DNMT1: variants seen among roughly 807,000 people sequenced by gnomAD.
DNMT1 encodes the protein DNA methyltransferase 1, also known as DNA (cytosine-5)-methyltransferase 1.
In DNMT1, 24 loss-of-function variants were observed where a neutral mutation model predicts 205.3. The observed-to-expected ratio is 0.12, with a 90% CI of 0.08 to 0.16. DNMT1 has a LOEUF of 0.16. DNMT1 is among the 10% of genes least tolerant of loss of function. The pLI, the probability that DNMT1 is intolerant of heterozygous loss-of-function variation, is 1.00. For synonymous variants in DNMT1, 817 were observed against 839.8 expected, an observed-to-expected ratio of 0.97 and a Z score of 0.47; for missense variants, 1,293 against 2,177.7, an observed-to-expected ratio of 0.59 and a Z score of 8.09.
intron 8 of DNMT1, 110 bp from the exon 9 acceptor site, chr19:10,173,284 G>A: frequency 9.5e-7 from 1 of 1,055,720 alleles, no homozygotes; most frequent in South Asian, 1.3e-5. Flanking sequence ...ATTATCTCAG[G>A]AGCCCTGACA....
At chr19:10,162,141 A>ACT (rs1243806175) in intron 13 of DNMT1, among the ~76,000 whole-genome samples, 11 of 135,248 alleles carry the variant, frequency 8.1e-5, no homozygotes, top group Non-Finnish European at 1.4e-4. Context: ...TGTGCCCAGC[A>ACT]TTTTTTTTTT....
Position 10,137,916 on chromosome 19 carries a change from G to A in DNMT1, c.4209C>T (p.Ser1403=), listed in dbSNP as rs1599342899. 2 of 1,613,116 alleles carry A rather than the reference G, an allele frequency of 1.2e-6. No individual in the cohort carries two copies. The highest frequency in any genetic ancestry group is 1.7e-5 in the Admixed American group (1 of 59,932). The stretch of plus-strand genomic sequence containing the variant: ...ACCAGGACTGAGGCTCCCCGTTGTA[G>A]GAGATCTCCAGTGCCGAGGCTCCAT... ...VRNGASALEI[S]YNGEPQSWFQ... The change falls in exon 36 of 41, where the codon TCC becomes TCT. Residue 1403 remains serine (S), a synonymous_variant. Transcript: ENST00000359526. The surrounding 1 kb of genome is among the most constrained non-coding windows in gnomAD (Gnocchi z 6.4).
At chr19:10,139,184 C>CT (rs2089553470) in intron 34 of DNMT1, among the ~76,000 whole-genome samples, 1 of 152,236 alleles carries the variant, frequency 6.6e-6, no homozygotes, top group African/African-American at 2.4e-5. Context: ...ATGTCCATCC[C>CT]TGTCCCTGCA....
chr19:10,180,513 G>A lies in DNMT1; in HGVS notation c.282C>T (p.Asn94=), dbSNP rs757233762. ...SLLNKDLSLE[N]GAHAYNREVN... is the part of the protein sequence containing the mutation. ...CTTCCCGGTTGTAAGCATGAGCACC[G>A]TTCTCCAAGGACAAATCTTTATTTA... The change falls in exon 4 of 41, where the codon AAC becomes AAT. Residue 94 remains asparagine, a synonymous_variant. Coordinates refer to ENST00000359526, the MANE Select transcript of DNMT1 (RefSeq NM_001130823.3). 13 of 1,613,954 alleles carry A rather than the reference G, an allele frequency of 8.1e-6. No individual in the cohort carries two copies. The highest frequency in any genetic ancestry group is 3.3e-5 in the Admixed American group (2 of 59,962).
At chr19:10,178,474 T>C (rs1159588632) in intron 5 of DNMT1, among the ~76,000 whole-genome samples, 1 of 151,268 alleles carries the variant, frequency 6.6e-6, no homozygotes, top group Admixed American at 6.6e-5. Flanking sequence ...GAAAATAAAA[T>C]AAGGCTGGGC....
chr19:10,185,945 C>G (rs1235983471), intron 1 of DNMT1, among the ~76,000 whole-genome samples: 1 of 151,980 alleles, frequency 6.6e-6, no homozygotes, highest in Non-Finnish European at 1.5e-5. Flanking sequence ...AACTGGGGTC[C>G]AAGGAGAGCC....
chr19:10,151,319 T>G lies in DNMT1; in HGVS notation c.2265+79A>C. 1.3e-6 allele frequency: 2 copies of G among 1,592,360 alleles called. No homozygotes were observed. The highest frequency in any genetic ancestry group is 1.7e-6 in the Non-Finnish European group (2 of 1,174,082). The stretch of plus-strand genomic sequence containing the variant: ...GCCGGGGCTCAGGCTGCCTGAGAGG[T>G]CAGGTTGGCGAGATACTAGAGGGCA... On this transcript the variant is annotated intron_variant, in intron 24 of 40. Coordinates refer to ENST00000359526, the MANE Select transcript of DNMT1 (RefSeq NM_001130823.3). The surrounding 1 kb of genome is among the most constrained non-coding windows in gnomAD (Gnocchi z 5.0).
In DNMT1 at chr19:10,149,626, C is replaced by A; in HGVS notation, c.2413G>T (p.Gly805Trp). The A allele has an allele frequency of 6.2e-7, 1 of 1,613,952 alleles. No homozygotes were observed. The highest frequency in any genetic ancestry group is 8.5e-7 in the Non-Finnish European group (1 of 1,180,044). Residue 805 changes from glycine (G) to tryptophan (W), a missense_variant, in exon 26 of 41, where the codon GGG becomes TGG. By Grantham distance (184) the Gly-to-Trp change is radical. Around this residue, in one of 13 missense-constraint regions of DNMT1, gnomAD observed 197 missense variants for 353.6 expected, o/e 0.56. Transcript: ENST00000359526. The part of the protein sequence containing the change: ...VTALWEDSSN[G>W]QMFHAHWFCA... ...AACCAGTGGGCGTGAAACATCTGCCCGTTGCTGCTGTCCTCCCACAGCGCC... is the reference window on the plus strand; with the variant it reads ...AACCAGTGGGCGTGAAACATCTGCCAGTTGCTGCTGTCCTCCCACAGCGCC...
chr19:10,148,495 CAA>C (rs1222064600), intron 27 of DNMT1, among the ~76,000 whole-genome samples: 3 of 58,550 alleles, frequency 5.1e-5, no homozygotes, highest in Non-Finnish European at 6.8e-5. Context: ...GACTCCGTCT[CAA>C]AAAAAAAAAA....
Position 10,140,020 on chromosome 19 carries a change from A to G in DNMT1, c.3806+26T>C. The G allele has an allele frequency of 1.2e-6, 2 of 1,604,606 alleles. No individual in the cohort carries two copies. Among genetic ancestry groups the G allele is most frequent in the Non-Finnish European group, 1.7e-6 (2 of 1,179,982 alleles). On this transcript the variant is annotated intron_variant, in intron 33 of 40. Transcript: ENST00000359526. This position sits in a 1 kb window ranked among gnomAD's most constrained non-coding sequence, Gnocchi z 8.4. ...CGGCACAGCCCCGGGCCGTCTGGCA[A>G]CACTGGGGGGCTTCTACCCGTTTAC...
chr19:10,151,671 A>T lies in DNMT1; in HGVS notation c.2117+79T>A. 6.2e-7 allele frequency: 1 copy of T among 1,606,412 alleles called. No homozygotes were observed. The highest frequency in any genetic ancestry group is 2.2e-5 in the East Asian group (1 of 44,808). On this transcript the variant is annotated intron_variant, in intron 23 of 40. Transcript: ENST00000359526. This position sits in a 1 kb window ranked among gnomAD's most constrained non-coding sequence, Gnocchi z 5.0. ...AAGGAATCCTGGTGCTGTCCCACAC[A>T]TGCAGGCCCTTCTCCACAGTGCATC...
chr19:10,135,002 A>G (rs1438408312), intron 39 of DNMT1, among the ~76,000 whole-genome samples: 1 of 152,054 alleles, frequency 6.6e-6, no homozygotes, highest in Non-Finnish European at 1.5e-5. Context: ...ACCTGAGGTC[A>G]AGAGTTCGGG....
rs1599354871 is a variant in DNMT1, at chr19:10,146,168, G to A, written c.2894+183C>T. ...TGACTTTTACGCTCAGCTTTGCTCTGCAATAGCATCATGGTCAGTCTACAC... is the reference window on the plus strand; with the variant it reads ...TGACTTTTACGCTCAGCTTTGCTCTACAATAGCATCATGGTCAGTCTACAC... On this transcript the variant is annotated intron_variant, in intron 28 of 40. Transcript: ENST00000359526. The surrounding 1 kb of genome is among the most constrained non-coding windows in gnomAD (Gnocchi z 4.4). Among the ~76,000 whole-genome samples the A allele has an allele frequency of 1.3e-5, 2 of 152,120 alleles. No homozygotes were observed. Among genetic ancestry groups the A allele is most frequent in the East Asian group, 3.9e-4 (2 of 5,190 alleles).
At position 10,154,349 on chromosome 19, in the gene DNMT1, C is replaced by T; in HGVS notation, c.1963G>A (p.Asp655Asn). The change falls in exon 22 of 41, where the codon GAT (aspartate) becomes AAT (asparagine). Residue 655 changes from aspartate (D) to asparagine (N), a missense_variant. Physicochemically the swap from Asp to Asn is conservative, Grantham distance 23. Coordinates refer to ENST00000359526, the MANE Select transcript of DNMT1 (RefSeq NM_001130823.3). This position sits in a 1 kb window ranked among gnomAD's most constrained non-coding sequence, Gnocchi z 6.3. ...GCGTTCTCCTTGTCTTCTCTGTCAT[C>T]CTTTTCAATTTGCTCTGCGAAGAAA... ...DTFFAEQIEK[D>N]DREDKENAFK... The T allele has an allele frequency of 6.2e-7, 1 of 1,614,236 alleles. No individual in the cohort carries two copies. The highest frequency in any genetic ancestry group is 8.5e-7 in the Non-Finnish European group (1 of 1,180,038).
At chr19:10,135,069 G>T (rs150324885) in intron 39 of DNMT1, among the ~76,000 whole-genome samples, 1 of 151,796 alleles carries the variant, frequency 6.6e-6, no homozygotes, top group Non-Finnish European at 1.5e-5. Flanking sequence ...AAAATTAGCC[G>T]GGTGTGGTAG....
At position 10,137,390 on chromosome 19, in the gene DNMT1, C is replaced by T; in HGVS notation, c.4294-110G>A. On this transcript the variant is annotated intron_variant, in intron 36 of 40. Coordinates refer to ENST00000359526, the MANE Select transcript of DNMT1 (RefSeq NM_001130823.3). The surrounding 1 kb of genome is among the most constrained non-coding windows in gnomAD (Gnocchi z 6.4). ...GGTGACCAGGAAGCCCCCTGGGGCT[C>T]ACGCCCATCGGGAAAGAGACAGTCA... The T allele has an allele frequency of 7.4e-7, 1 of 1,355,304 alleles. No homozygotes were observed. Among genetic ancestry groups the T allele is most frequent in the Non-Finnish European group, 1.0e-6 (1 of 991,528 alleles). The allele number at this position is 1,355,304 out of a possible 1,614,324, so 84.0% of individuals were successfully genotyped here.
intron 9 of DNMT1, among the ~76,000 whole-genome samples, chr19:10,171,724 G>A (rs911625508): frequency 2.0e-5 from 3 of 152,090 alleles, no homozygotes; most frequent in Non-Finnish European, 4.4e-5. Context: ...AGAATGGTGT[G>A]AACCCAGGAG....
chr19:10,184,108 G>A (rs1418737686), intron 1 of DNMT1, among the ~76,000 whole-genome samples: 2 of 152,142 alleles, frequency 1.3e-5, no homozygotes, highest in Non-Finnish European at 2.9e-5. Context: ...CTCCCGTAAG[G>A]GAAATGACCT....
chr19:10,187,652 T>C (rs2039217380), intron 1 of DNMT1, among the ~76,000 whole-genome samples: 1 of 151,796 alleles, frequency 6.6e-6, no homozygotes, highest in South Asian at 2.1e-4. Context: ...GAAGGATCAC[T>C]AGAGCCCAGG....
Sources: allele counts gnomAD v4.1 joint callset (sites outside exome capture counted in the v4.1 genomes callset), GRCh38; gene constraint gnomAD v4.1.1; regional missense constraint gnomAD v4.1.1; non-coding constraint Gnocchi (gnomAD v3.1); transcripts MANE v1.5; gene names NCBI Gene and HGNC (gene_info 2026-07-23, HGNC 2026-07-21).